The following KCNH8 variants were observed in gnomAD, a reference collection of about 807,000 sequenced individuals.
KCNH8 encodes potassium voltage-gated channel subfamily H member 8.
In KCNH8, 70 loss-of-function variants were observed where a neutral mutation model predicts 103.6. That is an observed-to-expected ratio of 0.68 (90% CI 0.56 to 0.82). KCNH8 has a LOEUF of 0.82. Among genes scored for constraint, KCNH8 ranks in the 40% least tolerant of loss-of-function variants. The pLI, the probability that KCNH8 is intolerant of heterozygous loss-of-function variation, is 0.00. For synonymous variants in KCNH8, 498 were observed against 489.4 expected (o/e 1.02, Z -0.23); for missense variants, 1,217 against 1,329.9 (o/e 0.92, Z 1.32).
chr3:19,497,019 AT>A (rs2068457342), intron 11 of KCNH8, among the ~76,000 whole-genome samples: 1 of 151,854 alleles, frequency 6.6e-6, no homozygotes, highest in Non-Finnish European at 1.5e-5. Flanking sequence ...TTTCTTCTAG[AT>A]TTTCTAGTTT....
intron 3 of KCNH8, among the ~76,000 whole-genome samples, chr3:19,284,404 GATATA>G (rs1271053016): frequency 1.3e-5 from 2 of 152,042 alleles, no homozygotes; most frequent in African/African-American, 2.4e-5. Flanking sequence ...TGAGGTGTGG[GATATA>G]ATATAGGCCT....
At chr3:19,397,653 A>G (rs2066543953) in intron 7 of KCNH8, among the ~76,000 whole-genome samples, 1 of 151,720 alleles carries the variant, frequency 6.6e-6, no homozygotes, top group African/African-American at 2.4e-5. Flanking sequence ...ATGGCATGTC[A>G]AATAATTGAT....
intron 8 of KCNH8, among the ~76,000 whole-genome samples, chr3:19,439,955 G>A (rs2067257197): frequency 6.6e-6 from 1 of 150,620 alleles, no homozygotes; most frequent in Non-Finnish European, 1.5e-5. Context: ...AGAGACAGAG[G>A]GAGGAGAGGG....
At chr3:19,498,059 C>T (rs567121616) in intron 11 of KCNH8, among the ~76,000 whole-genome samples, 55 of 152,280 alleles carry the variant, frequency 3.6e-4, no homozygotes, top group African/African-American at 1.3e-3. Flanking sequence ...ATGACAGCAA[C>T]CACTGCCTTT....
At chr3:19,205,904 A>G (rs2063709341) in intron 1 of KCNH8, among the ~76,000 whole-genome samples, 1 of 151,708 alleles carries the variant, frequency 6.6e-6, no homozygotes, top group African/African-American at 2.4e-5. Context: ...TTTTTAGTGC[A>G]CCCATTACCT....
intron 11 of KCNH8, among the ~76,000 whole-genome samples, chr3:19,473,846 T>A (rs1326589833): frequency 6.6e-6 from 1 of 152,182 alleles, no homozygotes; most frequent in Admixed American, 6.6e-5. Context: ...ATTTAGATTT[T>A]CATTCACATT....
chr3:19,172,549 C>A (rs1235614468), intron 1 of KCNH8, among the ~76,000 whole-genome samples: 1 of 152,212 alleles, frequency 6.6e-6, no homozygotes, highest in African/African-American at 2.4e-5. Flanking sequence ...TCACTGTTGT[C>A]ATCTTTGTCA....
At chr3:19,342,177 C>G (rs1391158295) in intron 3 of KCNH8, among the ~76,000 whole-genome samples, 2 of 151,958 alleles carry the variant, frequency 1.3e-5, no homozygotes, top group Non-Finnish European at 2.9e-5. Context: ...TCACTGTAAA[C>G]TTACATTTAT....
Position 19,533,499 on chromosome 3 carries a change from C to G in KCNH8, c.2724C>G (p.Cys908Trp). Residue 908 changes from cysteine (C) to tryptophan (W), a missense_variant, in exon 16 of 16, where the codon TGC (cysteine) becomes TGG (tryptophan). Coordinates refer to ENST00000328405, the MANE Select transcript of KCNH8 (RefSeq NM_144633.3). ...CACCTCAGCAGCCATCACGGTTTTG[C>G]TCTTTGCACAGCACCTCTGTGTGTC... is the stretch of plus-strand genomic sequence containing the variant. ...VLSPQQPSRF[C>W]SLHSTSVCPS... 1 of 1,614,176 alleles carries G rather than the reference C, an allele frequency of 6.2e-7. No individual in the cohort carries two copies. The highest frequency in any genetic ancestry group is 8.5e-7 in the Non-Finnish European group (1 of 1,180,026).
chr3:19,450,150 C>G lies in KCNH8; in HGVS notation c.1420C>G (p.Gln474Glu), dbSNP rs1438804816. Residue 474 changes from glutamine (Q) to glutamate (E), a missense_variant, in exon 9 of 16, where the codon CAG (glutamine) becomes GAG (glutamate). Transcript: ENST00000328405. The part of the protein sequence containing the change: ...LVFGNVTAII[Q>E]RMYSRWSLYH... ...GTTTGGAAACGTGACAGCAATCATA[C>G]AGAGGATGTACTCCAGATGGTCCCT... 4 of 1,613,542 alleles carry G rather than the reference C, an allele frequency of 2.5e-6. No individual in the cohort carries two copies.
intron 3 of KCNH8, among the ~76,000 whole-genome samples, chr3:19,315,544 T>C (rs181741022): frequency 6.6e-6 from 1 of 152,118 alleles, no homozygotes; most frequent in African/African-American, 2.4e-5. Flanking sequence ...GCCATAAATA[T>C]TGACCTTCAG....
At position 19,284,571 on chromosome 3, in the gene KCNH8, AAGAG is replaced by A. The variant is rs151251540; in HGVS notation, c.442+3248_442+3251del. ...TGTGTGTGAGGGAGAGAGAGAGAGA[AAGAG>A]AGAGACAGCCTTCAGCAGGATTCTG... On this transcript the variant is annotated intron_variant, in intron 3 of 15. Coordinates refer to ENST00000328405, the MANE Select transcript of KCNH8 (RefSeq NM_144633.3). Among the ~76,000 whole-genome samples, 468 of 85,374 alleles carry A rather than the reference AAGAG, an allele frequency of 5.5e-3. 14 individuals are homozygous for A. The East Asian group carries it at 0.12, about 23-fold the overall frequency. 56.0% of individuals were successfully genotyped at this position (85,374 alleles called of 152,430 possible).
chr3:19,532,180 T>C lies in KCNH8; in HGVS notation c.2620-1215T>C, dbSNP rs183414451. Reference sequence around the variant, plus strand: ...TTCTCTAATGAATGTTATTATGTATTTTAAGTATAAAATGAAGACTCTTCA... The same window carrying C: ...TTCTCTAATGAATGTTATTATGTATCTTAAGTATAAAATGAAGACTCTTCA... On this transcript the variant is annotated intron_variant, in intron 15 of 15. Transcript: ENST00000328405. Among the ~76,000 whole-genome samples the C allele has an allele frequency of 2.6e-5, 4 of 152,326 alleles. No individual in the cohort carries two copies. In the East Asian group the frequency reaches 5.8e-4, roughly 22 times the overall value.
intron 1 of KCNH8, among the ~76,000 whole-genome samples, chr3:19,249,420 G>A (rs1441977137): frequency 2.0e-5 from 3 of 152,164 alleles, no homozygotes; most frequent in African/African-American, 4.8e-5. Context: ...GAGGACAAGT[G>A]CTAAATATAA....
rs149631423 is a variant in KCNH8, at chr3:19,192,096, C to A, written c.76+43301C>A. ...AATTCCACAGACTGGATGATAATTCCTTTTTGTTTGACAGCAAATGCAAGT... is the reference window on the plus strand; with the variant it reads ...AATTCCACAGACTGGATGATAATTCATTTTTGTTTGACAGCAAATGCAAGT... On this transcript the variant is annotated intron_variant, in intron 1 of 15. Transcript: ENST00000328405. 4.8e-3 allele frequency among the ~76,000 whole-genome samples: 735 copies of A among 151,626 alleles called. 4 individuals carry two copies. The highest frequency in any genetic ancestry group is 0.017 in the African/African-American group (699 of 41,440).
intron 3 of KCNH8, among the ~76,000 whole-genome samples, chr3:19,312,963 T>G (rs1020704973): frequency 6.6e-6 from 1 of 151,960 alleles, no homozygotes; most frequent in Non-Finnish European, 1.5e-5. Context: ...CAGAATTGGA[T>G]AAGTTCTAGT....
intron 3 of KCNH8, among the ~76,000 whole-genome samples, chr3:19,301,297 A>T (rs543084405): frequency 6.8e-4 from 103 of 150,440 alleles, no homozygotes; most frequent in African/African-American, 2.4e-3. Context: ...AAAATGTTAC[A>T]TGGTCATCTA....
chr3:19,451,908 GCT>G (rs1274414723), intron 10 of KCNH8, among the ~76,000 whole-genome samples: 3 of 152,082 alleles, frequency 2.0e-5, no homozygotes, highest in Admixed American at 1.3e-4. Context: ...GTGACTATAG[GCT>G]CTTTTTACTT....
intron 1 of KCNH8, among the ~76,000 whole-genome samples, chr3:19,181,115 A>C (rs2063448882): frequency 6.6e-6 from 1 of 152,162 alleles, no homozygotes; most frequent in South Asian, 2.1e-4. Context: ...GTCAAAGCCT[A>C]TTTTTGTGGC....
Sources: allele counts gnomAD v4.1 joint callset (sites outside exome capture counted in the v4.1 genomes callset), GRCh38; gene constraint gnomAD v4.1.1; transcripts MANE v1.5; gene names NCBI Gene and HGNC (gene_info 2026-07-23, HGNC 2026-07-21).